Variants in CCDC91 observed in about 807,000 individuals in gnomAD.
The protein encoded by CCDC91 is coiled-coil domain-containing protein 91.
Under a neutral mutation model 63.2 loss-of-function variants are expected in CCDC91, and 48 were observed. The observed-to-expected ratio is 0.76, with a 90% CI of 0.60 to 0.97. CCDC91 has a LOEUF of 0.97. Ranked by LOEUF, CCDC91 falls within the 50% of genes least tolerant of loss-of-function variation. CCDC91 has a pLI of 0.00. For missense variants in CCDC91, 500 were observed against 494.6 expected (o/e 1.01, Z -0.10); for synonymous variants, 167 against 165.8 (o/e 1.01, Z -0.06).
chr12:28,291,861 A>G (rs1464570037), intron 3 of CCDC91, among the ~76,000 whole-genome samples: 3 of 152,152 alleles, frequency 2.0e-5, no homozygotes, highest in Non-Finnish European at 4.4e-5. Flanking sequence ...AACCTCTTGT[A>G]TAGTTGATCA....
Position 28,509,038 on chromosome 12 carries a change from C to T in CCDC91, c.1215+24873C>T, listed in dbSNP as rs372073613. On this transcript the variant is annotated intron_variant, in intron 12 of 12. Coordinates refer to ENST00000536442, the MANE Select transcript of CCDC91 (RefSeq NM_018318.5). ...TCTAGTTGTATAGTCTGTGATAAGA[C>T]TTCTATCTGCCATAGCAGTTATGGC... Among the ~76,000 whole-genome samples, 24 of 152,028 alleles carry T rather than the reference C, an allele frequency of 1.6e-4. 1 individual carries two copies. The highest frequency in any genetic ancestry group is 5.8e-4 in the African/African-American group (24 of 41,524).
chr12:28,408,431 G>A (rs1407007524), intron 8 of CCDC91, among the ~76,000 whole-genome samples: 1 of 152,068 alleles, frequency 6.6e-6, no homozygotes, highest in Non-Finnish European at 1.5e-5. Context: ...TGTAAATAGT[G>A]CTGCAATAAA....
rs183886646 is a variant in CCDC91 at position 28,371,916 on chromosome 12, A to C, written c.654+9401A>C. ...ATTACTATCTGGAGCTGCTTGCATT[A>C]GTGTGAAGAACTTCCTTTAGTATTT... On this transcript the variant is annotated intron_variant, in intron 7 of 12. Coordinates refer to ENST00000536442, the MANE Select transcript of CCDC91 (RefSeq NM_018318.5). 2.6e-5 allele frequency among the ~76,000 whole-genome samples: 4 copies of C among 152,296 alleles called. No individual in the cohort carries two copies. In the East Asian group the frequency reaches 7.7e-4, roughly 29 times the overall value.
intron 3 of CCDC91, among the ~76,000 whole-genome samples, chr12:28,287,660 G>C (rs562194638): frequency 3.3e-5 from 5 of 152,092 alleles, no homozygotes; most frequent in African/African-American, 1.2e-4. Context: ...CTCCAGTTTT[G>C]TTTTCTTTGC....
intron 12 of CCDC91, among the ~76,000 whole-genome samples, chr12:28,485,029 AC>A (rs1951644893): frequency 6.6e-6 from 1 of 152,090 alleles, no homozygotes; most frequent in Admixed American, 6.6e-5. Flanking sequence ...GAAATTTGAC[AC>A]AATAGCTAAA....
intron 1 of CCDC91, among the ~76,000 whole-genome samples, chr12:28,208,032 G>T (rs962917491): frequency 6.6e-6 from 1 of 152,076 alleles, no homozygotes; most frequent in African/African-American, 2.4e-5. Flanking sequence ...TGTTCTACTT[G>T]GATTAGCAGT....
At chr12:28,536,694 A>G (rs1196820816) in intron 12 of CCDC91, among the ~76,000 whole-genome samples, 2 of 152,162 alleles carry the variant, frequency 1.3e-5, no homozygotes, top group Non-Finnish European at 2.9e-5. Context: ...ACTGCTTGGG[A>G]TATAAGAAGT....
At chr12:28,501,236 A>T (rs1219063372) in intron 12 of CCDC91, among the ~76,000 whole-genome samples, 2 of 151,880 alleles carry the variant, frequency 1.3e-5, no homozygotes, top group Non-Finnish European at 2.9e-5. Context: ...AGAACTTCCA[A>T]CACTATGTTG....
At chr12:28,419,835 T>C (rs1198222693) in intron 8 of CCDC91, among the ~76,000 whole-genome samples, 4 of 151,816 alleles carry the variant, frequency 2.6e-5, no homozygotes, top group African/African-American at 7.3e-5. Flanking sequence ...TGGCTCACCA[T>C]AGCCTTAACC....
chr12:28,486,150 C>T (rs1269884710), intron 12 of CCDC91, among the ~76,000 whole-genome samples: 1 of 152,122 alleles, frequency 6.6e-6, no homozygotes, highest in African/African-American at 2.4e-5. Flanking sequence ...CTCTCTAACC[C>T]AATCCCCTGG....
chr12:28,248,816 A>G (rs564519716), intron 1 of CCDC91, among the ~76,000 whole-genome samples: 3 of 152,318 alleles, frequency 2.0e-5, no homozygotes, highest in African/African-American at 4.8e-5. Flanking sequence ...GGCTTGGAGC[A>G]TGTTTCATTG....
At chr12:28,384,609 A>C (rs1289360922) in intron 7 of CCDC91, among the ~76,000 whole-genome samples, 2 of 152,162 alleles carry the variant, frequency 1.3e-5, no homozygotes, top group Admixed American at 6.5e-5. Flanking sequence ...ATAATAAATG[A>C]ATAATTGAGT....
intron 12 of CCDC91, among the ~76,000 whole-genome samples, chr12:28,496,209 C>G (rs927701186): frequency 7.3e-5 from 11 of 151,662 alleles, no homozygotes; most frequent in African/African-American, 2.7e-4. Context: ...CACTGCAAAA[C>G]TGGCTAAAGA....
At chr12:28,230,608 A>AT (rs991446782) in intron 1 of CCDC91, among the ~76,000 whole-genome samples, 2 of 151,916 alleles carry the variant, frequency 1.3e-5, no homozygotes, top group Non-Finnish European at 2.9e-5. Flanking sequence ...TATGTATTTG[A>AT]TTTTTTTTAA....
At chr12:28,448,108 A>C (rs1949625645) in intron 8 of CCDC91, among the ~76,000 whole-genome samples, 1 of 152,084 alleles carries the variant, frequency 6.6e-6, no homozygotes, top group Admixed American at 6.5e-5. Context: ...TGCTTTTAGT[A>C]TTAGATAATT....
At chr12:28,430,938 A>T (rs1329055609) in intron 8 of CCDC91, among the ~76,000 whole-genome samples, 1 of 152,122 alleles carries the variant, frequency 6.6e-6, no homozygotes, top group African/African-American at 2.4e-5. Flanking sequence ...CCATGGCATG[A>T]ATGGCCTGTA....
At chr12:28,431,362 C>T (rs897530545) in intron 8 of CCDC91, among the ~76,000 whole-genome samples, 2 of 151,990 alleles carry the variant, frequency 1.3e-5, no homozygotes, top group South Asian at 2.1e-4. Flanking sequence ...GTTAGTTTTT[C>T]CTTCTGTTTC....
chr12:28,205,756 G>A (rs1942797650), intron 1 of CCDC91, among the ~76,000 whole-genome samples: 1 of 152,146 alleles, frequency 6.6e-6, no homozygotes, highest in Non-Finnish European at 1.5e-5. Context: ...TGTTACAGAC[G>A]CATACTCCTA....
chr12:28,302,757 A>G (rs1938217243), intron 3 of CCDC91: 2 of 412,150 alleles, frequency 4.9e-6, no homozygotes, highest in Non-Finnish European at 3.3e-6. Flanking sequence ...ATTTAAGATG[A>G]TGGGCAAGCT....
Sources: gnomAD v4.1 joint callset for allele counts (sites outside exome capture counted in the v4.1 genomes callset) on GRCh38, gnomAD v4.1.1 for gene constraint, MANE v1.5 for transcripts, NCBI Gene and HGNC (gene_info 2026-07-23, HGNC 2026-07-21) for gene names.